The following WDTC1 variants were observed in gnomAD, a reference collection of about 807,000 sequenced individuals.
WDTC1 encodes WD and tetratricopeptide repeats protein 1.
A neutral mutation model predicts 76.0 loss-of-function variants in WDTC1; 12 were observed. That is an observed-to-expected ratio of 0.16 (90% confidence interval 0.10 to 0.26). WDTC1 has a LOEUF of 0.26. Ranked by LOEUF, WDTC1 falls within the 10% of genes least tolerant of loss-of-function variation. The pLI is 1.00. For synonymous variants in WDTC1, 326 were observed against 350.8 expected (o/e 0.93, Z 0.79); for missense variants, 511 against 908.8 (o/e 0.56, Z 5.63).
At chr1:27,279,827 A>C (rs1367437658) in intron 3 of WDTC1, among the ~76,000 whole-genome samples, 1 of 152,178 alleles carries the variant, frequency 6.6e-6, no homozygotes, top group Non-Finnish European at 1.5e-5. Context: ...TAGCCTCCCA[A>C]AGTGCTGAGA....
intron 3 of WDTC1, among the ~76,000 whole-genome samples, chr1:27,277,487 G>A (rs565381242): frequency 1.7e-4 from 26 of 151,918 alleles, no homozygotes; most frequent in Non-Finnish European, 3.2e-4. Context: ...TTAAGAGACG[G>A]AGTCTGGCTA....
chr1:27,304,888 G>A (rs1045974884), intron 14 of WDTC1, 113 bp from the exon 15 acceptor site: 7 of 1,078,812 alleles, frequency 6.5e-6, no homozygotes, highest in Non-Finnish European at 9.1e-6. Context: ...GCGTGTGGGG[G>A]ACTGAGTGGC....
chr1:27,279,660 G>A lies in WDTC1; in HGVS notation c.133-2579G>A, dbSNP rs572367812. On this transcript the variant is annotated intron_variant, in intron 3 of 15. Transcript: ENST00000319394. The stretch of plus-strand genomic sequence containing the variant: ...TGGCTCACTGTAGCCTCCACCTCCC[G>A]GATTCAAGTGATCCTCACACCTTAG... Among the ~76,000 whole-genome samples the A allele has an allele frequency of 1.8e-4, 28 of 152,092 alleles. No homozygotes were observed. The South Asian group carries it at 1.9e-3, about 10-fold the overall frequency.
chr1:27,291,624 C>T (rs761805853), intron 6 of WDTC1, among the ~76,000 whole-genome samples: 2 of 152,126 alleles, frequency 1.3e-5, no homozygotes, highest in African/African-American at 4.8e-5. Flanking sequence ...ACCTTTACTG[C>T]GTGGATGAGA....
Position 27,287,943 on chromosome 1 carries a change from T to A in WDTC1, c.479+82T>A, listed in dbSNP as rs76017335. On this transcript the variant is annotated intron_variant, in intron 6 of 15. Transcript: ENST00000319394. ...GTGTTTCCTTCTACAGACCTAGCTC[T>A]TTCCCTCCAGCAGAGGTCCAACCTC... 1.4e-4 allele frequency: 205 copies of A among 1,492,154 alleles called. No homozygotes were observed. In the East Asian group the frequency reaches 5.0e-3, roughly 36 times the overall value. 92.4% of individuals were successfully genotyped at this position (1,492,154 alleles called of 1,614,324 possible).
At position 27,306,449 on chromosome 1, in the gene WDTC1, G is replaced by A; in HGVS notation, c.*66G>A. The A allele has an allele frequency of 6.5e-7, 1 of 1,538,350 alleles. No homozygotes were observed. Among genetic ancestry groups the A allele is most frequent in the Non-Finnish European group, 8.7e-7 (1 of 1,146,176 alleles). The stretch of plus-strand genomic sequence containing the variant: ...CCCTCTGCCCTGGGCAGGAGGTCAG[G>A]GGATTCTGTTTTGGTTTGTCTTCCC... On this transcript the variant is annotated 3_prime_UTR_variant, in exon 16 of 16. Transcript: ENST00000319394. The surrounding 1 kb of genome is among the most constrained non-coding windows in gnomAD (Gnocchi z 5.0).
rs71584875 is a variant in WDTC1 at position 27,251,033 on chromosome 1, A to ATTTTTTTTTTT, written c.-99-9896_-99-9886dup. The stretch of plus-strand genomic sequence containing the variant: ...TGGCGTGCACCACTACTCCTGGCTA[A>ATTTTTTTTTTT]TTTTTTTTTTTTTTTTTTTTTTTTT... On this transcript the variant is annotated intron_variant, in intron 1 of 15. Transcript: ENST00000319394. Among the ~76,000 whole-genome samples the ATTTTTTTTTTT allele has an allele frequency of 1.3e-3, 38 of 28,686 alleles. 14 individuals are homozygous for ATTTTTTTTTTT. The highest frequency in any genetic ancestry group is 1.9e-3 in the Non-Finnish European group (24 of 12,590). The allele number at this position is 28,686 out of a possible 152,430, so 18.8% of individuals were successfully genotyped here. A position where few individuals can be genotyped will look rare whatever the true frequency, so the allele number is the denominator to read the frequency against.
At position 27,306,482 on chromosome 1, in the gene WDTC1, CTT is replaced by C; in HGVS notation, c.*106_*107del. 2 of 1,371,580 alleles carry C rather than the reference CTT, an allele frequency of 1.5e-6. No individual in the cohort carries two copies. Among genetic ancestry groups the C allele is most frequent in the Non-Finnish European group, 1.9e-6 (2 of 1,029,670 alleles). The allele number at this position is 1,371,580 out of a possible 1,614,324, so 85.0% of individuals were successfully genotyped here. A position where few individuals can be genotyped will look rare whatever the true frequency, so the allele number is the denominator to read the frequency against. On this transcript the variant is annotated 3_prime_UTR_variant, in exon 16 of 16. Coordinates refer to ENST00000319394, the MANE Select transcript of WDTC1 (RefSeq NM_001276252.2). This position sits in a 1 kb window ranked among gnomAD's most constrained non-coding sequence, Gnocchi z 5.0. ...GTTTTGGTTTGTCTTCCCCACCACC[CTT>C]TTTTTTCATTTCCCCTGTTTTGTTT...
chr1:27,259,112 T>C (rs543296738), intron 1 of WDTC1, among the ~76,000 whole-genome samples: 1 of 152,304 alleles, frequency 6.6e-6, no homozygotes, highest in East Asian at 1.9e-4. Flanking sequence ...AAAAAGTCAG[T>C]CATATCATTA....
intron 11 of WDTC1, 50 bp from the exon 12 acceptor site, chr1:27,297,888 C>T (rs2013734571): frequency 1.3e-6 from 2 of 1,535,212 alleles, no homozygotes; most frequent in African/African-American, 2.8e-5. Flanking sequence ...CCCTGAGGGG[C>T]TGCTCTGACC....
chr1:27,279,573 T>C (rs2013133023), intron 3 of WDTC1, among the ~76,000 whole-genome samples: 1 of 152,130 alleles, frequency 6.6e-6, no homozygotes. Flanking sequence ...ATTTTTTTGT[T>C]TTTGTTTTTG....
rs140573663 is a variant in WDTC1 at position 27,257,311 on chromosome 1, C to T, written c.-99-3645C>T. Among the ~76,000 whole-genome samples, 23 of 152,154 alleles carry T rather than the reference C, an allele frequency of 1.5e-4. No homozygotes were observed. The East Asian group carries it at 4.1e-3, about 27-fold the overall frequency. ...CCTTTTTCGGGTGAAGCGTACGTAACCCCGTCAGTGTTTGTTCCAATGCGT... is the reference window on the plus strand; with the variant it reads ...CCTTTTTCGGGTGAAGCGTACGTAATCCCGTCAGTGTTTGTTCCAATGCGT... On this transcript the variant is annotated intron_variant, in intron 1 of 15. Coordinates refer to ENST00000319394, the MANE Select transcript of WDTC1 (RefSeq NM_001276252.2).
intron 6 of WDTC1, among the ~76,000 whole-genome samples, chr1:27,289,130 GC>G (rs1161441581): frequency 7.3e-6 from 1 of 136,080 alleles, no homozygotes; most frequent in Non-Finnish European, 1.6e-5. Flanking sequence ...GGGCAGAGGG[GC>G]TCCTCACTTC....
intron 1 of WDTC1, among the ~76,000 whole-genome samples, chr1:27,236,395 G>A (rs1027241725): frequency 6.6e-6 from 1 of 152,144 alleles, no homozygotes; most frequent in African/African-American, 2.4e-5. Context: ...CTTTAAGGCT[G>A]GAGTCCTGCT....
chr1:27,253,853 C>T (rs992300140), intron 1 of WDTC1, among the ~76,000 whole-genome samples: 17 of 152,192 alleles, frequency 1.1e-4, no homozygotes, highest in Non-Finnish European at 1.5e-5. Context: ...TTGTGTCAAT[C>T]CAAATCTCTC....
At position 27,290,757 on chromosome 1, in the gene WDTC1, C is replaced by T. The variant is rs115726231; in HGVS notation, c.480-1458C>T. On this transcript the variant is annotated intron_variant, in intron 6 of 15. Coordinates refer to ENST00000319394, the MANE Select transcript of WDTC1 (RefSeq NM_001276252.2). ...CTCCCCAGCCTGCTTTAATCTGTCT[C>T]CCTTGAGTTCCTGTAGGACTTTGTG... 4.4e-3 allele frequency among the ~76,000 whole-genome samples: 669 copies of T among 152,332 alleles called. 6 individuals are homozygous for T. The highest frequency in any genetic ancestry group is 0.015 in the African/African-American group (644 of 41,558).
At chr1:27,300,890 T>A (rs892420481) in intron 12 of WDTC1, among the ~76,000 whole-genome samples, 2 of 152,142 alleles carry the variant, frequency 1.3e-5, no homozygotes, top group African/African-American at 4.8e-5. Flanking sequence ...TTGGGGAGCC[T>A]GTGGTGGGCA....
intron 1 of WDTC1, among the ~76,000 whole-genome samples, chr1:27,246,467 C>T (rs963377275): frequency 6.6e-6 from 1 of 152,102 alleles, no homozygotes; most frequent in African/African-American, 2.4e-5. Flanking sequence ...ATTTATTCAT[C>T]AATTGATGGC....
intron 1 of WDTC1, among the ~76,000 whole-genome samples, chr1:27,249,776 T>C (rs961558560): frequency 2.0e-5 from 3 of 152,094 alleles, no homozygotes; most frequent in African/African-American, 7.2e-5. Flanking sequence ...GGGATTTTGC[T>C]GTGTTGCCCA....
Sources: gnomAD v4.1 joint callset for allele counts (sites outside exome capture counted in the v4.1 genomes callset) on GRCh38, gnomAD v4.1.1 for gene constraint, Gnocchi (gnomAD v3.1) non-coding constraint, MANE v1.5 for transcripts, NCBI Gene and HGNC (gene_info 2026-07-23, HGNC 2026-07-21) for gene names.